The following PSD3 variants were observed in gnomAD, a reference collection of about 807,000 sequenced individuals.
PSD3 encodes PH and SEC7 domain-containing protein 3.
In PSD3, 49 loss-of-function variants were observed where a neutral mutation model predicts 105.5. The observed-to-expected ratio is 0.46, with a 90% CI of 0.37 to 0.59. PSD3 has a LOEUF of 0.59. Among genes scored for constraint, PSD3 ranks in the 20% least tolerant of loss-of-function variants. The pLI, the probability that PSD3 is intolerant of heterozygous loss-of-function variation, is 0.00. For synonymous variants in PSD3, 557 were observed against 457.8 expected, an observed-to-expected ratio of 1.22 and a Z score of -2.77; for missense variants, 1,561 against 1,263.8, an observed-to-expected ratio of 1.24 and a Z score of -3.57.
intron 4 of PSD3, among the ~76,000 whole-genome samples, chr8:18,830,999 G>A (rs564036047): frequency 1.3e-5 from 2 of 151,960 alleles, no homozygotes; most frequent in South Asian, 2.1e-4. Flanking sequence ...TCCAGAAAGC[G>A]AGGCAGAGGC....
intron 11 of PSD3, among the ~76,000 whole-genome samples, chr8:18,616,205 T>C (rs1424300391): frequency 2.0e-5 from 3 of 152,234 alleles, no homozygotes; most frequent in Admixed American, 6.5e-5. Flanking sequence ...CGATGGCCTC[T>C]TAGCTTTTCC....
chr8:18,739,670 T>A (rs573781072), intron 9 of PSD3, among the ~76,000 whole-genome samples: 9 of 152,332 alleles, frequency 5.9e-5, no homozygotes, highest in Middle Eastern at 3.4e-3. Flanking sequence ...CCACATTTTT[T>A]AATTATAAAT....
intron 15 of PSD3, among the ~76,000 whole-genome samples, chr8:18,542,957 T>C (rs1800235637): frequency 6.6e-6 from 1 of 152,192 alleles, no homozygotes; most frequent in Admixed American, 6.5e-5. Flanking sequence ...CTTCCTTCCT[T>C]AGGAATGCTC....
At chr8:18,848,862 G>A (rs1815339076) in intron 4 of PSD3, among the ~76,000 whole-genome samples, 1 of 152,144 alleles carries the variant, frequency 6.6e-6, no homozygotes, top group African/African-American at 2.4e-5. Context: ...CCATTCTTTG[G>A]CTACATTTCA....
chr8:18,624,530 C>G (rs1197898841), intron 11 of PSD3, among the ~76,000 whole-genome samples: 1 of 94,614 alleles, frequency 1.1e-5, no homozygotes, highest in African/African-American at 4.4e-5. Context: ...ACTCTGGGGA[C>G]TGTTGTGGGG....
chr8:19,011,675 T>C (rs1016516045), intron 1 of PSD3, among the ~76,000 whole-genome samples: 2 of 152,154 alleles, frequency 1.3e-5, no homozygotes, highest in African/African-American at 4.8e-5. Context: ...AAGGTATATG[T>C]TATTCTTTGG....
intron 1 of PSD3, among the ~76,000 whole-genome samples, chr8:19,060,719 T>TC (rs1485936382): frequency 1.3e-5 from 2 of 152,218 alleles, no homozygotes; most frequent in Non-Finnish European, 2.9e-5. Context: ...CAATAATTCT[T>TC]CCACTGTTAT....
chr8:18,864,037 G>A (rs1005978629), intron 4 of PSD3, among the ~76,000 whole-genome samples: 8 of 152,056 alleles, frequency 5.3e-5, no homozygotes, highest in South Asian at 2.1e-4. Context: ...GTCCAATACC[G>A]CCACTGAAAT....
rs6980955 is a variant in PSD3 at position 18,714,540 on chromosome 8, C to T, written c.2172+50909G>A. ...AACTTATGAAAAAAACCCTCAATAT[C>T]GCTAGTCATTAGAGAAATGCAAATC... On this transcript the variant is annotated intron_variant, in intron 9 of 15. Transcript: ENST00000327040. Among the ~76,000 whole-genome samples the T allele has an allele frequency of 2.1e-3, 318 of 152,078 alleles. 1 individual carries two copies. The highest frequency in any genetic ancestry group is 7.3e-3 in the African/African-American group (302 of 41,500).
intron 2 of PSD3, among the ~76,000 whole-genome samples, chr8:18,913,086 AACACACACACACACACACAC>A (rs72253853): frequency 1.5e-5 from 2 of 130,462 alleles, no homozygotes; most frequent in African/African-American, 5.8e-5. Context: ...CACACACACA[AACACACACACACACACACAC>A]ACACACACAC....
chr8:18,697,939 T>C (rs1801353107), intron 9 of PSD3, among the ~76,000 whole-genome samples: 1 of 152,170 alleles, frequency 6.6e-6, no homozygotes, highest in African/African-American at 2.4e-5. Flanking sequence ...TGAATAATGG[T>C]CCCCCCAAAG....
At chr8:18,906,030 A>T (rs1233967033) in intron 2 of PSD3, among the ~76,000 whole-genome samples, 1 of 152,202 alleles carries the variant, frequency 6.6e-6, no homozygotes, top group Non-Finnish European at 1.5e-5. Flanking sequence ...TTTTATAGTA[A>T]ACATCATATT....
At chr8:18,892,626 C>CT (rs111896561) in intron 2 of PSD3, among the ~76,000 whole-genome samples, 8,313 of 133,076 alleles carry the variant, frequency 0.062, 379 homozygotes, top group African/African-American at 0.12. Context: ...TCCTAATTTT[C>CT]TTTTTTTTTT....
chr8:18,918,569 C>T (rs747656137), intron 2 of PSD3, among the ~76,000 whole-genome samples: 2 of 152,202 alleles, frequency 1.3e-5, no homozygotes, highest in Non-Finnish European at 2.9e-5. Flanking sequence ...CAGGAATGTA[C>T]TGAAGGAAGT....
At chr8:19,050,408 T>C (rs1016755654) in intron 1 of PSD3, among the ~76,000 whole-genome samples, 3 of 152,196 alleles carry the variant, frequency 2.0e-5, no homozygotes, top group African/African-American at 4.8e-5. Flanking sequence ...GCAGCACTAT[T>C]CACAATAACA....
chr8:18,854,895 T>A (rs1218826421), intron 4 of PSD3, among the ~76,000 whole-genome samples: 2 of 152,208 alleles, frequency 1.3e-5, no homozygotes, highest in African/African-American at 4.8e-5. Flanking sequence ...GTCCTGTTGG[T>A]TGTCCAAAGC....
At chr8:18,750,674 GT>G (rs1033646104) in intron 9 of PSD3, among the ~76,000 whole-genome samples, 1 of 152,044 alleles carries the variant, frequency 6.6e-6, no homozygotes, top group African/African-American at 2.4e-5. Context: ...CGAGTGGCCT[GT>G]TTTGACAGGG....
chr8:18,935,695 C>CAA (rs10628497), intron 2 of PSD3, among the ~76,000 whole-genome samples: 22,916 of 136,676 alleles, frequency 0.17, 2,012 homozygotes, highest in African/African-American at 0.21. Flanking sequence ...GACTTTGTCT[C>CAA]AAAAAAAAAA....
chr8:18,617,573 T>C (rs891745515), intron 11 of PSD3, among the ~76,000 whole-genome samples: 4 of 152,134 alleles, frequency 2.6e-5, no homozygotes, highest in East Asian at 1.9e-4. Flanking sequence ...ATATCATACA[T>C]TGTAAGCCCA....
Sources: allele counts gnomAD v4.1 joint callset (sites outside exome capture counted in the v4.1 genomes callset), GRCh38; gene constraint gnomAD v4.1.1; transcripts MANE v1.5; gene names NCBI Gene and HGNC (gene_info 2026-07-23, HGNC 2026-07-21).